The following ARHGAP26 variants were observed in gnomAD, a reference collection of about 807,000 sequenced individuals.
ARHGAP26 encodes the protein rho GTPase-activating protein 26.
Under a neutral mutation model 104.8 loss-of-function variants are expected in ARHGAP26, and 38 were observed. The observed-to-expected ratio is 0.36, with a 90% CI of 0.28 to 0.48. The LOEUF (loss-of-function observed/expected upper bound fraction) is 0.48, where lower values mean the gene tolerates loss of function less well. Among genes scored for constraint, ARHGAP26 ranks in the 20% least tolerant of loss-of-function variants. The pLI, the probability that ARHGAP26 is intolerant of heterozygous loss-of-function variation, is 0.99. For synonymous variants in ARHGAP26, 341 were observed against 340.0 expected (o/e 1.00, Z -0.03); for missense variants, 704 against 947.9 (o/e 0.74, Z 3.38).
In ARHGAP26 at chr5:142,873,418, G is replaced by A. The variant is rs975495910; in HGVS notation, c.173G>A (p.Arg58Gln). 11 of 1,593,028 alleles carry A rather than the reference G, an allele frequency of 6.9e-6. No individual in the cohort carries two copies. The highest frequency in any genetic ancestry group is 1.9e-5 in the Admixed American group (1 of 53,156). Residue 58 changes from arginine to glutamine, a missense_variant, in exon 2 of 23, where the codon CGG becomes CAG. Arg to Gln is a conservative substitution (Grantham distance 43). This residue lies in a region of ARHGAP26 where 77 missense variants were observed against 82.6 expected (regional missense o/e 0.93). Transcript: ENST00000645722. Reference sequence around the variant, plus strand: ...TTGCTAGATTTGTCTTCAGCGAAGCGGAAGTTTGCAGATTCCTTAAATGAA... The same window carrying A: ...TTGCTAGATTTGTCTTCAGCGAAGCAGAAGTTTGCAGATTCCTTAAATGAA... Reference protein sequence around the residue: ...SALKNLSSAKRKFADSLNEFK... With the variant: ...SALKNLSSAKQKFADSLNEFK...
Position 142,993,305 on chromosome 5 carries a change from G to A in ARHGAP26, c.1108-20775G>A, listed in dbSNP as rs555343281. Among the ~76,000 whole-genome samples, 19 of 152,024 alleles carry A rather than the reference G, an allele frequency of 1.2e-4. No individual in the cohort carries two copies. In the South Asian group the frequency reaches 4.0e-3, roughly 32 times the overall value. Reference sequence around the variant, plus strand: ...CTGCCTCAGCCTCCCGAGTAGCTGGGACTACAGGCGCCCGCCACCGCGCCC... The same window carrying A: ...CTGCCTCAGCCTCCCGAGTAGCTGGAACTACAGGCGCCCGCCACCGCGCCC... On this transcript the variant is annotated intron_variant, in intron 11 of 22. Coordinates refer to ENST00000645722, the MANE Select transcript of ARHGAP26 (RefSeq NM_001135608.3).
chr5:143,097,227 T>A (rs757280251), intron 17 of ARHGAP26, among the ~76,000 whole-genome samples: 2 of 150,394 alleles, frequency 1.3e-5, no homozygotes, highest in African/African-American at 2.4e-5. Flanking sequence ...TAATCTGGGG[T>A]GGGGCAGGGG....
chr5:142,814,849 G>A (rs1429725646), intron 1 of ARHGAP26, among the ~76,000 whole-genome samples: 8 of 152,320 alleles, frequency 5.3e-5, no homozygotes, highest in South Asian at 2.1e-4. Context: ...GAGATAATGC[G>A]TTAGTGCCTG....
chr5:143,124,748 G>C (rs547881921), intron 18 of ARHGAP26, among the ~76,000 whole-genome samples: 1 of 152,334 alleles, frequency 6.6e-6, no homozygotes, highest in East Asian at 1.9e-4. Flanking sequence ...ATTCAAGGCA[G>C]GGGGAGCTAG....
intron 10 of ARHGAP26, among the ~76,000 whole-genome samples, chr5:142,927,479 G>A (rs1190117127): frequency 2.6e-5 from 4 of 152,030 alleles, no homozygotes; most frequent in East Asian, 1.9e-4. Context: ...AGATTCATTC[G>A]TGTTGTTGCA....
intron 12 of ARHGAP26, among the ~76,000 whole-genome samples, chr5:143,023,561 C>T (rs1016225410): frequency 6.6e-6 from 1 of 152,172 alleles, no homozygotes; most frequent in East Asian, 1.9e-4. Context: ...TGGCCTTTTG[C>T]TGTTAGAACA....
chr5:143,099,957 G>A (rs2150601885), intron 17 of ARHGAP26, among the ~76,000 whole-genome samples: 1 of 152,310 alleles, frequency 6.6e-6, no homozygotes, highest in African/African-American at 2.4e-5. Context: ...CATAGCTGAT[G>A]CAATAAATAT....
intron 1 of ARHGAP26, among the ~76,000 whole-genome samples, chr5:142,830,841 T>C (rs1768272446): frequency 6.6e-6 from 1 of 152,218 alleles, no homozygotes; most frequent in African/African-American, 2.4e-5. Context: ...TCTCAGTTTG[T>C]ATCATTTTCC....
chr5:143,090,126 G>A (rs569210363), intron 17 of ARHGAP26, among the ~76,000 whole-genome samples: 11 of 152,342 alleles, frequency 7.2e-5, no homozygotes, highest in Non-Finnish European at 1.3e-4. Flanking sequence ...GTTGGGAGAC[G>A]GAAGCTGGAT....
intron 11 of ARHGAP26, among the ~76,000 whole-genome samples, chr5:143,001,225 T>C (rs945728802): frequency 6.6e-6 from 1 of 152,196 alleles, no homozygotes; most frequent in Non-Finnish European, 1.5e-5. Context: ...CTATCTGAGC[T>C]GATGTTTCTA....
At chr5:142,824,406 G>T (rs1054540594) in intron 1 of ARHGAP26, among the ~76,000 whole-genome samples, 3 of 152,140 alleles carry the variant, frequency 2.0e-5, no homozygotes. Flanking sequence ...AGCTGGAAGT[G>T]TGTGGTCCCC....
At chr5:142,967,944 G>C (rs1456838291) in intron 11 of ARHGAP26, among the ~76,000 whole-genome samples, 1 of 152,136 alleles carries the variant, frequency 6.6e-6, no homozygotes, top group African/African-American at 2.4e-5. Context: ...ACTATTAAAG[G>C]CATTGTTCAA....
chr5:142,906,078 G>A (rs1761064577), intron 8 of ARHGAP26, among the ~76,000 whole-genome samples: 5 of 152,106 alleles, frequency 3.3e-5, no homozygotes, highest in African/African-American at 2.4e-5. Context: ...TTCAGCATGG[G>A]TTTATCTGGT....
At chr5:143,147,164 T>C in intron 19 of ARHGAP26, 67 bp from the exon 20 acceptor site, 1 of 1,517,142 alleles carries the variant, frequency 6.6e-7, no homozygotes, top group Admixed American at 1.9e-5. Flanking sequence ...TACATTTTTG[T>C]GCATGTAGCA....
chr5:142,901,949 G>T lies in ARHGAP26; in HGVS notation c.612G>T (p.Leu204=). The T allele has an allele frequency of 6.2e-7, 1 of 1,613,896 alleles. No homozygotes were observed. The highest frequency in any genetic ancestry group is 2.2e-5 in the East Asian group (1 of 44,876). Residue 204 remains leucine, a synonymous_variant, in exon 7 of 23, where the codon CTG becomes CTT. Coordinates refer to ENST00000645722, the MANE Select transcript of ARHGAP26 (RefSeq NM_001135608.3). The part of the protein sequence containing the change: ...FEFVEPLLAF[L]QGLFTFYHHG... ...CTTCATTACAGCTGCTGGCCTTCCT[G>T]CAAGGACTCTTCACTTTCTATCACC...
intron 1 of ARHGAP26, among the ~76,000 whole-genome samples, chr5:142,829,366 CA>C (rs1767944820): frequency 6.6e-6 from 1 of 152,166 alleles, no homozygotes; most frequent in Non-Finnish European, 1.5e-5. Flanking sequence ...AAACTTTTGT[CA>C]ATAGGAATGA....
chr5:143,103,407 C>G (rs756057791), intron 17 of ARHGAP26: 23 of 176,140 alleles, frequency 1.3e-4, no homozygotes, highest in Non-Finnish European at 2.1e-4. Context: ...GGATCCAGAG[C>G]TAGAAATACC....
intron 17 of ARHGAP26, among the ~76,000 whole-genome samples, chr5:143,110,255 G>A (rs560447372): frequency 6.6e-6 from 1 of 152,178 alleles, no homozygotes; most frequent in Admixed American, 6.5e-5. Flanking sequence ...AAGAATGTAA[G>A]CTTCTCTAAG....
intron 12 of ARHGAP26, among the ~76,000 whole-genome samples, chr5:143,033,750 G>A (rs245830): frequency 0.97 from 148,466 of 152,362 alleles, 72,954 homozygotes; most frequent in Middle Eastern, 1. Context: ...GCAGCTCCCC[G>A]TAGCACTGTG....
Sources: allele counts gnomAD v4.1 joint callset (sites outside exome capture counted in the v4.1 genomes callset), GRCh38; gene constraint gnomAD v4.1.1; regional missense constraint gnomAD v4.1.1; transcripts MANE v1.5; gene names NCBI Gene and HGNC (gene_info 2026-07-23, HGNC 2026-07-21).